LGALS3: variants seen among roughly 807,000 people sequenced by gnomAD.
The protein encoded by LGALS3 is galectin-3.
Under a neutral mutation model 20.7 loss-of-function variants are expected in LGALS3, and 18 were observed. The ratio of observed to expected loss-of-function variants is 0.87; its 90% CI spans 0.60 to 1.29. The LOEUF (loss-of-function observed/expected upper bound fraction) is 1.29, where lower values mean the gene tolerates loss of function less well. LGALS3 is among the 50% of genes most tolerant of loss of function. The probability of loss-of-function intolerance (pLI) is 0.00; values close to 1 mark genes in which losing one functional copy is unlikely to be tolerated. For missense variants in LGALS3, 315 were observed against 314.7 expected (o/e 1.00, Z -0.01); for synonymous variants, 112 against 119.6 (o/e 0.94, Z 0.42).
intron 1 of LGALS3, among the ~76,000 whole-genome samples, chr14:55,134,995 A>C (rs961861168): frequency 2.0e-5 from 3 of 151,918 alleles, no homozygotes; most frequent in East Asian, 3.9e-4. Context: ...TGTCTAAAAA[A>C]AAAAATAACT....
chr14:55,137,456 G>A (rs1881440948), intron 2 of LGALS3, 65 bp downstream of exon 2: 1 of 1,614,050 alleles, frequency 6.2e-7, no homozygotes, highest in Non-Finnish European at 8.5e-7. Flanking sequence ...TGGGGGTTTT[G>A]TTTTTACCAT....
At chr14:55,136,620 T>C (rs755144700) in intron 1 of LGALS3, among the ~76,000 whole-genome samples, 1 of 152,226 alleles carries the variant, frequency 6.6e-6, no homozygotes, top group Non-Finnish European at 1.5e-5. Flanking sequence ...AATCACATCA[T>C]GGAAAATGGG....
intron 2 of LGALS3, chr14:55,137,687 G>A: frequency 1.4e-6 from 2 of 1,404,906 alleles, no homozygotes; most frequent in Non-Finnish European, 9.2e-7. Flanking sequence ...TGAGTAGCGG[G>A]AAGTGCGGTA....
intron 4 of LGALS3, among the ~76,000 whole-genome samples, 195 bp from the exon 5 acceptor site, chr14:55,142,389 G>T (rs1482021108): frequency 6.6e-6 from 1 of 152,184 alleles, no homozygotes; most frequent in African/African-American, 2.4e-5. Flanking sequence ...TTTAGATTTT[G>T]TGATAGTACA....
intron 3 of LGALS3, 22 bp from the exon 4 acceptor site, chr14:55,140,253 A>G (rs995056830): frequency 4.6e-6 from 7 of 1,505,558 alleles, no homozygotes; most frequent in African/African-American, 2.7e-5. Flanking sequence ...TTATTGACAC[A>G]TATGTACTTG....
intron 5 of LGALS3, chr14:55,143,842 A>G (rs1881719093): frequency 6.6e-6 from 1 of 152,180 alleles, no homozygotes; most frequent in Non-Finnish European, 1.5e-5. Flanking sequence ...AACTATCCTT[A>G]CAAATCTTTG....
At chr14:55,144,568 C>T (rs10137382) in intron 5 of LGALS3, among the ~76,000 whole-genome samples, 3,923 of 152,018 alleles carry the variant, frequency 0.026, 162 homozygotes, top group African/African-American at 0.09. Context: ...TTTGTTGTTG[C>T]TTTTTGTTTT....
chr14:55,138,277 G>A lies in LGALS3; in HGVS notation c.251G>A (p.Ser84Asn). Residue 84 changes from serine (S) to asparagine (N), a missense_variant, in exon 3 of 6, where the codon AGC becomes AAC. Ser to Asn is a conservative substitution (Grantham distance 46). Transcript: ENST00000254301. ...PAPGVYPGPP[S>N]GPGAYPSSGQ... is the part of the protein sequence containing the mutation. ...CCTGGAGTCTACCCAGGGCCACCCA[G>A]CGGCCCTGGGGCCTACCCATCTTCT... 6.2e-7 allele frequency: 1 copy of A among 1,612,870 alleles called. No homozygotes were observed. Among genetic ancestry groups the A allele is most frequent in the Middle Eastern group, 1.7e-4 (1 of 6,060 alleles).
chr14:55,136,909 T>C (rs1881413871), intron 1 of LGALS3, among the ~76,000 whole-genome samples: 1 of 149,358 alleles, frequency 6.7e-6, no homozygotes, highest in Non-Finnish European at 1.5e-5. Context: ...CCTTTGACCA[T>C]GCAGATCATG....
chr14:55,135,864 C>T (rs763008885), intron 1 of LGALS3, among the ~76,000 whole-genome samples: 2 of 152,168 alleles, frequency 1.3e-5, no homozygotes, highest in Non-Finnish European at 2.9e-5. Flanking sequence ...CACACCCAGC[C>T]AATATCTTGC....
chr14:55,142,885 AG>A, intron 5 of LGALS3, 136 bp downstream of exon 5: 1 of 633,144 alleles, frequency 1.6e-6, no homozygotes, highest in Non-Finnish European at 2.7e-6. Flanking sequence ...CTCCCTGCCC[AG>A]GGGACCAGGC....
Position 55,142,766 on chromosome 14 carries a change from A to G in LGALS3, c.597+17A>G, listed in dbSNP as rs761973601. 3 of 1,579,960 alleles carry G rather than the reference A, an allele frequency of 1.9e-6. No individual in the cohort carries two copies. Among genetic ancestry groups the G allele is most frequent in the African/African-American group, 1.3e-5 (1 of 74,098 alleles). On this transcript the variant is annotated intron_variant, in intron 5 of 5. Coordinates refer to ENST00000254301, the MANE Select transcript of LGALS3 (RefSeq NM_002306.4). ...CCATTCAAAGTAAGTTATTGCTACT[A>G]TTATATATTGATAATGTATATTTCT...
chr14:55,141,745 A>T (rs923566563), intron 4 of LGALS3, among the ~76,000 whole-genome samples: 1 of 152,258 alleles, frequency 6.6e-6, no homozygotes, highest in African/African-American at 2.4e-5. Flanking sequence ...TTACAAATTT[A>T]ATCACTGGAA....
intron 5 of LGALS3, 120 bp from the exon 6 acceptor site, chr14:55,144,996 T>C: frequency 1.3e-6 from 1 of 784,652 alleles, no homozygotes; most frequent in Non-Finnish European, 2.1e-6. Flanking sequence ...TTTCCCTTTA[T>C]TTCAGTTGAC....
chr14:55,136,592 A>C (rs530272356), intron 1 of LGALS3, among the ~76,000 whole-genome samples: 2 of 152,276 alleles, frequency 1.3e-5, no homozygotes, highest in Non-Finnish European at 2.9e-5. Flanking sequence ...GTTTTGACAC[A>C]GGTATGCAAT....
At chr14:55,138,508 C>A in intron 3 of LGALS3, 140 bp downstream of exon 3, 1 of 884,216 alleles carries the variant, frequency 1.1e-6, no homozygotes, top group Non-Finnish European at 1.9e-6. Flanking sequence ...ATTAAGTGTT[C>A]ATATTGAGCT....
At chr14:55,132,889 A>G (rs1357844884) in intron 1 of LGALS3, among the ~76,000 whole-genome samples, 2 of 152,176 alleles carry the variant, frequency 1.3e-5, no homozygotes, top group Non-Finnish European at 2.9e-5. Context: ...CAAAAAAGAA[A>G]TCTCATGGTT....
intron 1 of LGALS3, among the ~76,000 whole-genome samples, chr14:55,130,195 G>A (rs1379402041): frequency 1.3e-5 from 2 of 152,196 alleles, no homozygotes; most frequent in Non-Finnish European, 2.9e-5. Context: ...AGTTTATTCT[G>A]AATTATCGGG....
intron 1 of LGALS3, among the ~76,000 whole-genome samples, chr14:55,135,906 C>A (rs965638422): frequency 2.6e-5 from 4 of 152,124 alleles, no homozygotes; most frequent in African/African-American, 4.8e-5. Context: ...TTTATTGGAT[C>A]CCTTGGGGCC....
Sources: allele counts gnomAD v4.1 joint callset (sites outside exome capture counted in the v4.1 genomes callset), GRCh38; gene constraint gnomAD v4.1.1; transcripts MANE v1.5; gene names NCBI Gene and HGNC (gene_info 2026-07-23, HGNC 2026-07-21).